Variants in TDP1 observed in about 807,000 individuals in gnomAD.
The protein encoded by TDP1 is tyr-DNA phosphodiesterase 1.
A neutral mutation model predicts 81.5 loss-of-function variants in TDP1; 64 were observed. The ratio of observed to expected loss-of-function variants is 0.79; its 90% CI spans 0.64 to 0.97. TDP1 has a LOEUF of 0.97. Ranked by LOEUF, TDP1 falls within the 50% of genes least tolerant of loss-of-function variation. The pLI, the probability that TDP1 is intolerant of heterozygous loss-of-function variation, is 0.00. For synonymous variants in TDP1, 256 were observed against 264.3 expected, an observed-to-expected ratio of 0.97 and a Z score of 0.30; for missense variants, 723 against 743.8, an observed-to-expected ratio of 0.97 and a Z score of 0.33.
rs1279321258 is a variant in TDP1 at position 90,043,817 on chromosome 14, A to G, written c.*674A>G. On this transcript the variant is annotated 3_prime_UTR_variant, in exon 17 of 17. Transcript: ENST00000335725. ...CTCTTGGTGCTGTCAGCTGTTGGGA[A>G]TTGAAGATTGACTTTGTGCTTCCAC... The G allele has an allele frequency of 6.6e-6, 1 of 152,520 alleles. No homozygotes were observed. Among genetic ancestry groups the G allele is most frequent in the Non-Finnish European group, 1.5e-5 (1 of 68,272 alleles). 9.4% of individuals were successfully genotyped at this position (152,520 alleles called of 1,614,324 possible).
intron 14 of TDP1, among the ~76,000 whole-genome samples, chr14:89,996,431 C>CT (rs1896656473): frequency 6.6e-6 from 1 of 152,196 alleles, no homozygotes; most frequent in Non-Finnish European, 1.5e-5. Flanking sequence ...CCTTTTCTCT[C>CT]TTTCTTCAGT....
chr14:90,036,009 G>C (rs1022609652), intron 16 of TDP1, among the ~76,000 whole-genome samples: 1 of 152,172 alleles, frequency 6.6e-6, no homozygotes, highest in Non-Finnish European at 1.5e-5. Flanking sequence ...TTTACAGCTA[G>C]GTATAGTGTC....
At chr14:89,993,514 A>G in intron 14 of TDP1, 31 bp downstream of exon 14, 1 of 1,608,552 alleles carries the variant, frequency 6.2e-7, no homozygotes, top group Non-Finnish European at 8.5e-7. Context: ...TGATGGGAGA[A>G]ATCTTTTTAA....
chr14:89,991,440 A>G (rs189106547), intron 12 of TDP1: 5 of 473,406 alleles, frequency 1.1e-5, no homozygotes, highest in South Asian at 9.0e-5. Context: ...TCTCGTCCTC[A>G]ATGAGGTAAT....
At chr14:90,009,139 A>G (rs1884396496) in intron 14 of TDP1, among the ~76,000 whole-genome samples, 1 of 152,202 alleles carries the variant, frequency 6.6e-6, no homozygotes, top group Non-Finnish European at 1.5e-5. Flanking sequence ...CTTTTATTTT[A>G]AAATTTGTGT....
rs1366474453 is a variant in TDP1, at chr14:89,967,510, A to G, written c.659+88A>G. On this transcript the variant is annotated intron_variant, in intron 5 of 16. Coordinates refer to ENST00000335725, the MANE Select transcript of TDP1 (RefSeq NM_018319.4). ...TGTATTTCTCAGGTGAAAGCCACTC[A>G]TCTTTTGAGTTTTTCTTTTGAAACT... 5.2e-6 allele frequency: 6 copies of G among 1,148,830 alleles called. No homozygotes were observed. In the Admixed American group the frequency reaches 1.0e-4, roughly 20 times the overall value. The allele number at this position is 1,148,830 out of a possible 1,614,324, so 71.2% of individuals were successfully genotyped here.
chr14:90,005,674 A>G (rs1052270208), intron 14 of TDP1, among the ~76,000 whole-genome samples: 1 of 152,232 alleles, frequency 6.6e-6, no homozygotes, highest in African/African-American at 2.4e-5. Flanking sequence ...AGCCAAAAGC[A>G]AACTCATATC....
At chr14:90,026,159 G>T (rs1886623628) in intron 15 of TDP1, among the ~76,000 whole-genome samples, 1 of 152,174 alleles carries the variant, frequency 6.6e-6, no homozygotes, top group Non-Finnish European at 1.5e-5. Flanking sequence ...AAAAGTACAT[G>T]CACTCTTATG....
intron 14 of TDP1, among the ~76,000 whole-genome samples, chr14:89,997,469 T>G (rs1277031094): frequency 6.6e-6 from 1 of 152,180 alleles, no homozygotes; most frequent in Non-Finnish European, 1.5e-5. Context: ...GGGATGATGG[T>G]GAATTTGATT....
intron 14 of TDP1, among the ~76,000 whole-genome samples, chr14:90,003,293 G>A (rs1362480997): frequency 1.3e-5 from 2 of 152,208 alleles, no homozygotes; most frequent in Non-Finnish European, 2.9e-5. Context: ...GACAAGTACC[G>A]TCAGCCAGAT....
chr14:90,032,657 T>C (rs1887416171), intron 15 of TDP1: 1 of 791,018 alleles, frequency 1.3e-6, no homozygotes, highest in Non-Finnish European at 1.5e-6. Flanking sequence ...TCTGTCACAT[T>C]ATATTGGAAC....
chr14:89,984,603 CA>C lies in TDP1; in HGVS notation c.973del (p.Ser325ValfsTer3). The C allele has an allele frequency of 6.2e-7, 1 of 1,614,094 alleles. No individual in the cohort carries two copies. The highest frequency in any genetic ancestry group is 8.5e-7 in the Non-Finnish European group (1 of 1,179,984). On this transcript the variant is annotated frameshift_variant, in exon 9 of 17. Coordinates refer to ENST00000335725, the MANE Select transcript of TDP1 (RefSeq NM_018319.4). LOFTEE classifies it high-confidence loss of function. ...SPTHFKADLISYLMAYNAPSL... is the reference protein window; with the variant it reads ...SPTHFKADLIXYLMAYNAPSL... ...CAACACATTTTAAAGCTGATCTCAT[CA>C]GTTACTTGATGGCTTATAATGCCCC...
intron 14 of TDP1, among the ~76,000 whole-genome samples, chr14:90,008,265 C>T (rs949342633): frequency 6.6e-6 from 1 of 152,196 alleles, no homozygotes; most frequent in African/African-American, 2.4e-5. Context: ...TCTTACTTTG[C>T]ACCTCTTTGC....
intron 9 of TDP1, chr14:89,984,923 T>G: frequency 1.0e-6 from 1 of 984,560 alleles, no homozygotes; most frequent in Non-Finnish European, 1.2e-6. Flanking sequence ...CTCACAATTA[T>G]TGAGTTCTTT....
intron 5 of TDP1, among the ~76,000 whole-genome samples, chr14:89,969,200 T>G (rs1188309607): frequency 6.6e-6 from 1 of 152,164 alleles, no homozygotes; most frequent in Non-Finnish European, 1.5e-5. Flanking sequence ...CAGTTTGTGG[T>G]GCTTTGTTTT....
chr14:89,972,413 C>G (rs745462200), intron 6 of TDP1, among the ~76,000 whole-genome samples: 10 of 152,210 alleles, frequency 6.6e-5, no homozygotes, highest in Non-Finnish European at 1.3e-4. Flanking sequence ...GGCCCCTCCT[C>G]CAACATTGGG....
chr14:90,038,139 G>A (rs1178139831), intron 16 of TDP1, among the ~76,000 whole-genome samples: 2 of 152,102 alleles, frequency 1.3e-5, no homozygotes, highest in African/African-American at 4.8e-5. Flanking sequence ...TGGTTAAGTT[G>A]GTGTTTACCA....
chr14:89,963,256 T>C lies in TDP1; in HGVS notation c.142T>C (p.Cys48Arg). The stretch of plus-strand genomic sequence containing the variant: ...AGCAGCAAATGAGCCCAGGTACACC[T>C]GTTCCGAGGCCCAGAAAGCTGCACA... ...QGAANEPRYT[C>R]SEAQKAAHKR... Residue 48 changes from cysteine (C) to arginine (R), a missense_variant, in exon 3 of 17, where the codon TGT (cysteine) becomes CGT (arginine). By Grantham distance (180) the Cys-to-Arg change is radical. Coordinates refer to ENST00000335725, the MANE Select transcript of TDP1 (RefSeq NM_018319.4). The C allele has an allele frequency of 1.2e-6, 2 of 1,614,182 alleles. No individual in the cohort carries two copies. Among genetic ancestry groups the C allele is most frequent in the Non-Finnish European group, 1.7e-6 (2 of 1,180,018 alleles).
At chr14:89,962,141 A>C (rs1892401051) in intron 2 of TDP1, among the ~76,000 whole-genome samples, 2 of 152,166 alleles carry the variant, frequency 1.3e-5, no homozygotes, top group African/African-American at 4.8e-5. Flanking sequence ...GCTTCAGTAC[A>C]AGTTATTTCT....
Sources: allele counts gnomAD v4.1 joint callset (sites outside exome capture counted in the v4.1 genomes callset), GRCh38; gene constraint gnomAD v4.1.1; transcripts MANE v1.5; gene names NCBI Gene and HGNC (gene_info 2026-07-23, HGNC 2026-07-21).